The following DSCAM variants were observed in gnomAD, a reference collection of about 807,000 sequenced individuals.
The protein encoded by DSCAM is cell adhesion molecule DSCAM.
Under a neutral mutation model 217.7 loss-of-function variants are expected in DSCAM, and 47 were observed. The ratio of observed to expected loss-of-function variants is 0.22; its 90% CI spans 0.17 to 0.28. The LOEUF is 0.28. DSCAM is among the 10% of genes least tolerant of loss of function. The pLI, the probability that DSCAM is intolerant of heterozygous loss-of-function variation, is 1.00. For synonymous variants in DSCAM, 1,056 were observed against 1,015.3 expected, an observed-to-expected ratio of 1.04 and a Z score of -0.76; for missense variants, 2,080 against 2,618.3, an observed-to-expected ratio of 0.79 and a Z score of 4.49.
At chr21:40,636,912 G>A (rs1172378214) in intron 3 of DSCAM, among the ~76,000 whole-genome samples, 1 of 149,854 alleles carries the variant, frequency 6.7e-6, no homozygotes, top group Non-Finnish European at 1.5e-5. Context: ...GAGAAGCCAG[G>A]GATCCAAGCG....
At chr21:40,392,828 A>G (rs940867419) in intron 3 of DSCAM, among the ~76,000 whole-genome samples, 1 of 152,202 alleles carries the variant, frequency 6.6e-6, no homozygotes, top group African/African-American at 2.4e-5. Flanking sequence ...GAAATTTTTC[A>G]AAGCATGACA....
In DSCAM at chr21:40,114,126, C is replaced by A. The variant is rs1365774237; in HGVS notation, c.3696+10069G>T. On this transcript the variant is annotated intron_variant, in intron 20 of 32. Coordinates refer to ENST00000400454, the MANE Select transcript of DSCAM (RefSeq NM_001389.5). The stretch of plus-strand genomic sequence containing the variant: ...CCAAGTCAATCCTAAGCCAAAAGAA[C>A]AAAGCTGGAGGCATCACGCTACCTG... 4.0e-5 allele frequency among the ~76,000 whole-genome samples: 6 copies of A among 149,844 alleles called. No individual in the cohort carries two copies. The East Asian group carries it at 7.9e-4, about 20-fold the overall frequency.
chr21:40,181,176 G>A lies in DSCAM; in HGVS notation c.2780-2082C>T, dbSNP rs57704704. Among the ~76,000 whole-genome samples, 11 of 151,792 alleles carry A rather than the reference G, an allele frequency of 7.2e-5. No homozygotes were observed. In the East Asian group the frequency reaches 1.6e-3, roughly 21 times the overall value. On this transcript the variant is annotated intron_variant, in intron 14 of 32. Transcript: ENST00000400454. ...GCATACATTTCTGTTTGTGTTTTAC[G>A]CCTAAGAACTTTTTTATTGGGTCAA...
chr21:40,396,632 C>A (rs187170298), intron 3 of DSCAM, among the ~76,000 whole-genome samples: 30 of 152,238 alleles, frequency 2.0e-4, no homozygotes, highest in Admixed American at 1.3e-3. Context: ...CCCTAAAACA[C>A]TGCTACCACT....
intron 3 of DSCAM, among the ~76,000 whole-genome samples, chr21:40,491,027 T>C (rs935768604): frequency 6.6e-6 from 1 of 152,210 alleles, no homozygotes; most frequent in Non-Finnish European, 1.5e-5. Context: ...TTCACCAGCT[T>C]ATAAAATCTG....
intron 18 of DSCAM, 99 bp downstream of exon 18, chr21:40,142,459 G>T: frequency 7.4e-7 from 1 of 1,355,082 alleles, no homozygotes. Flanking sequence ...AGAGGTGCCC[G>T]CCATATCCTG....
At chr21:40,457,030 T>C (rs2075769138) in intron 3 of DSCAM, among the ~76,000 whole-genome samples, 1 of 152,120 alleles carries the variant, frequency 6.6e-6, no homozygotes, top group South Asian at 2.1e-4. Flanking sequence ...AGATGAGAGA[T>C]AAGGGATAGA....
At chr21:40,608,301 A>G (rs1331259143) in intron 3 of DSCAM, among the ~76,000 whole-genome samples, 1 of 152,248 alleles carries the variant, frequency 6.6e-6, no homozygotes, top group Admixed American at 6.5e-5. Flanking sequence ...TTTTGAAAAT[A>G]TATTTGAAAC....
At chr21:40,307,275 C>T (rs1464529364) in intron 9 of DSCAM, among the ~76,000 whole-genome samples, 3 of 151,712 alleles carry the variant, frequency 2.0e-5, no homozygotes, top group Non-Finnish European at 4.4e-5. Context: ...AGGCAAAGGA[C>T]ATGAACAGAC....
intron 19 of DSCAM, among the ~76,000 whole-genome samples, chr21:40,129,118 G>GGT (rs202105087): frequency 0.013 from 1,954 of 152,170 alleles, 20 homozygotes; most frequent in Middle Eastern, 0.037. Flanking sequence ...GCCACAGGCA[G>GGT]GTGTGTGTGT....
At chr21:40,444,008 A>G (rs1044747035) in intron 3 of DSCAM, among the ~76,000 whole-genome samples, 2 of 152,198 alleles carry the variant, frequency 1.3e-5, no homozygotes, top group Non-Finnish European at 2.9e-5. Context: ...CAAAATGGGG[A>G]TTTCCTTAAG....
chr21:40,445,834 T>C (rs1283067509), intron 3 of DSCAM, among the ~76,000 whole-genome samples: 1 of 152,200 alleles, frequency 6.6e-6, no homozygotes, highest in Non-Finnish European at 1.5e-5. Flanking sequence ...GAGAAGCATA[T>C]TCTTGTTTTC....
At chr21:40,447,846 A>G (rs377316651) in intron 3 of DSCAM, among the ~76,000 whole-genome samples, 2 of 152,216 alleles carry the variant, frequency 1.3e-5, no homozygotes, top group African/African-American at 4.8e-5. Context: ...CGTGATGCTT[A>G]TATCGATCAA....
intron 1 of DSCAM, among the ~76,000 whole-genome samples, chr21:40,774,594 T>C (rs968342916): frequency 5.9e-5 from 9 of 152,242 alleles, no homozygotes; most frequent in African/African-American, 2.2e-4. Context: ...CAACAAAATG[T>C]CTCATAAAAA....
Position 40,347,911 on chromosome 21 carries a change from A to T in DSCAM, c.969T>A (p.Val323=). 1 of 1,613,896 alleles carries T rather than the reference A, an allele frequency of 6.2e-7. No individual in the cohort carries two copies. The highest frequency in any genetic ancestry group is 8.5e-7 in the Non-Finnish European group (1 of 1,179,914). Residue 323 remains valine, a synonymous_variant, in exon 6 of 33, where the codon GTT becomes GTA. Coordinates refer to ENST00000400454, the MANE Select transcript of DSCAM (RefSeq NM_001389.5). ...PLKATISPRK[V]KSSVGSQVSL... is the part of the protein sequence containing the mutation. ...AAACTTGGCTACCCACGCTGCTTTT[A>T]ACCTTCCTGGGACTGATGGTGGCTT... is the stretch of plus-strand genomic sequence containing the variant.
At chr21:40,625,405 A>C (rs1236646483) in intron 3 of DSCAM, among the ~76,000 whole-genome samples, 1 of 152,176 alleles carries the variant, frequency 6.6e-6, no homozygotes, top group African/African-American at 2.4e-5. Flanking sequence ...GTCGCTCAAC[A>C]AAGGCCCACC....
At chr21:40,560,769 G>C (rs1333753801) in intron 3 of DSCAM, among the ~76,000 whole-genome samples, 2 of 152,222 alleles carry the variant, frequency 1.3e-5, no homozygotes, top group Non-Finnish European at 2.9e-5. Context: ...CAGTGTAGCT[G>C]ACTGGGGATT....
intron 3 of DSCAM, among the ~76,000 whole-genome samples, chr21:40,378,667 C>G (rs1224960260): frequency 2.9e-4 from 39 of 134,846 alleles, no homozygotes; most frequent in African/African-American, 1.1e-3. Context: ...TCTCGGCTCA[C>G]TGCAAGCTCC....
intron 3 of DSCAM, among the ~76,000 whole-genome samples, chr21:40,595,212 T>C (rs1013587754): frequency 9.2e-5 from 14 of 151,846 alleles, no homozygotes; most frequent in African/African-American, 3.1e-4. Flanking sequence ...ACCCCGTCTC[T>C]CCAAAAAATA....
Sources: gnomAD v4.1 joint callset for allele counts (sites outside exome capture counted in the v4.1 genomes callset) on GRCh38, gnomAD v4.1.1 for gene constraint, MANE v1.5 for transcripts, NCBI Gene and HGNC (gene_info 2026-07-23, HGNC 2026-07-21) for gene names.